ARHGAP20: variants seen among roughly 807,000 people sequenced by gnomAD.
ARHGAP20 encodes Rho GTPase activating protein 20, also known as rho GTPase-activating protein 20.
ARHGAP20 carries 34 observed loss-of-function variants against 73.7 expected under a neutral mutation model. The observed-to-expected ratio is 0.46, with a 90% CI of 0.35 to 0.61. The LOEUF is 0.61. ARHGAP20 is among the 20% of genes least tolerant of loss of function. The pLI is 0.00. For synonymous variants in ARHGAP20, 523 were observed against 518.2 expected (o/e 1.01, Z -0.13); for missense variants, 1,314 against 1,420.9 (o/e 0.92, Z 1.21).
chr11:110,685,494 T>TAA (rs34975209), intron 2 of ARHGAP20, among the ~76,000 whole-genome samples: 3,075 of 151,608 alleles, frequency 0.02, 105 homozygotes, highest in African/African-American at 0.068. Flanking sequence ...GGTGCCACAT[T>TAA]AAAAAAAATG....
chr11:110,595,809 G>C lies in ARHGAP20; in HGVS notation c.965-3654C>G, dbSNP rs1396802370. On this transcript the variant is annotated intron_variant, in intron 9 of 14. Transcript: ENST00000683387. ...AAAAAACTACTTTAAAGTTCATATGGAACCAAAAAAGAGCCCACATTGCCA... is the reference window on the plus strand; with the variant it reads ...AAAAAACTACTTTAAAGTTCATATGCAACCAAAAAAGAGCCCACATTGCCA... Among the ~76,000 whole-genome samples the C allele has an allele frequency of 4.0e-5, 6 of 151,882 alleles. No individual in the cohort carries two copies. In the East Asian group the frequency reaches 1.2e-3, roughly 29 times the overall value.
chr11:110,665,504 G>GA (rs560854721), intron 2 of ARHGAP20, among the ~76,000 whole-genome samples: 90 of 152,202 alleles, frequency 5.9e-4, no homozygotes, highest in African/African-American at 1.8e-3. Flanking sequence ...AAAAAATGAG[G>GA]TGAGGTCTAA....
chr11:110,585,347 C>CACTATCTG, intron 12 of ARHGAP20, among the ~76,000 whole-genome samples: 1 of 152,224 alleles, frequency 6.6e-6, no homozygotes, highest in East Asian at 1.9e-4. Context: ...ATTTGATGCT[C>CACTATCTG]ACTATCTGAA....
At chr11:110,709,648 C>T (rs2135161893) in intron 1 of ARHGAP20, among the ~76,000 whole-genome samples, 1 of 152,148 alleles carries the variant, frequency 6.6e-6, no homozygotes, top group East Asian at 1.9e-4. Flanking sequence ...ACCATCAAGG[C>T]CTCAAAATAA....
chr11:110,599,272 G>A (rs1046529049), intron 9 of ARHGAP20, among the ~76,000 whole-genome samples: 1 of 152,194 alleles, frequency 6.6e-6, no homozygotes, highest in African/African-American at 2.4e-5. Flanking sequence ...GCTTCTCCCT[G>A]CTGTCGGCAC....
chr11:110,587,579 G>A (rs1947703933), intron 11 of ARHGAP20, among the ~76,000 whole-genome samples: 2 of 152,168 alleles, frequency 1.3e-5, no homozygotes, highest in Non-Finnish European at 2.9e-5. Context: ...GGTAGGGACA[G>A]ACCCTTCTTT....
At chr11:110,587,507 CT>C (rs1426916796) in intron 11 of ARHGAP20, among the ~76,000 whole-genome samples, 1 of 152,176 alleles carries the variant, frequency 6.6e-6, no homozygotes, top group Non-Finnish European at 1.5e-5. Flanking sequence ...GCTGTGATAA[CT>C]TATTGTTACA....
chr11:110,656,516 C>T (rs563551099), intron 2 of ARHGAP20, among the ~76,000 whole-genome samples: 1 of 152,242 alleles, frequency 6.6e-6, no homozygotes, highest in East Asian at 1.9e-4. Flanking sequence ...GGGTATTTGC[C>T]TGAGTCCTCT....
intron 9 of ARHGAP20, among the ~76,000 whole-genome samples, chr11:110,605,763 G>A (rs542404821): frequency 4.5e-4 from 68 of 152,332 alleles, no homozygotes; most frequent in Middle Eastern, 3.4e-3. Context: ...ATCTCTCAAG[G>A]TCTACGCCAT....
At chr11:110,678,825 A>C (rs573015437) in intron 2 of ARHGAP20, among the ~76,000 whole-genome samples, 7 of 151,944 alleles carry the variant, frequency 4.6e-5, no homozygotes, top group Admixed American at 4.6e-4. Context: ...CCATGCCCAG[A>C]TAATTTTCAC....
intron 2 of ARHGAP20, among the ~76,000 whole-genome samples, chr11:110,685,917 C>T (rs562050536): frequency 6.8e-4 from 103 of 151,930 alleles, no homozygotes; most frequent in African/African-American, 2.3e-3. Flanking sequence ...GAGATAGAAA[C>T]GATTTTGGGG....
At position 110,712,354 on chromosome 11, in the gene ARHGAP20, C is replaced by G. The variant is rs1449463413; in HGVS notation, c.-123G>C. 3.9e-6 allele frequency: 3 copies of G among 771,328 alleles called. No individual in the cohort carries two copies. Among genetic ancestry groups the G allele is most frequent in the South Asian group, 6.4e-5 (1 of 15,686 alleles). The allele number at this position is 771,328 out of a possible 1,614,324, so 47.8% of individuals were successfully genotyped here. A position where few individuals can be genotyped will look rare whatever the true frequency, so the allele number is the denominator to read the frequency against. ...CGGCTGCCGTGCTCAGGCAGGGAGC[C>G]GAGCTCCGGGTGCTCGCCGCGCGCC... On this transcript the variant is annotated 5_prime_UTR_variant, in exon 1 of 15. Transcript: ENST00000683387.
At position 110,581,153 on chromosome 11, in the gene ARHGAP20, G is replaced by C; in HGVS notation, c.1793C>G (p.Ala598Gly). 3 of 1,614,176 alleles carry C rather than the reference G, an allele frequency of 1.9e-6. No individual in the cohort carries two copies. Among genetic ancestry groups the C allele is most frequent in the Non-Finnish European group, 2.5e-6 (3 of 1,180,014 alleles). The change falls in exon 15 of 15, where the codon GCA becomes GGA. Residue 598 changes from alanine to glycine, a missense_variant. This residue lies in a region of ARHGAP20 where 230 missense variants were observed against 317.6 expected (regional missense o/e 0.72). Coordinates refer to ENST00000683387, the MANE Select transcript of ARHGAP20 (RefSeq NM_001384657.1). ...LENELNEDVD[A>G]PCSDLVKKLG... ...TTTCTTTACCAAGTCACTGCATGGTGCATCAACATCCTCATTTAGCTCATT... is the reference window on the plus strand; with the variant it reads ...TTTCTTTACCAAGTCACTGCATGGTCCATCAACATCCTCATTTAGCTCATT...
intron 2 of ARHGAP20, among the ~76,000 whole-genome samples, chr11:110,653,130 T>G (rs111525787): frequency 2.5e-4 from 38 of 151,886 alleles, no homozygotes; most frequent in African/African-American, 8.7e-4. Flanking sequence ...TAGAAGAAAA[T>G]CTAGGCAATA....
intron 14 of ARHGAP20, 47 bp from the exon 15 acceptor site, chr11:110,581,272 TATACTC>T (rs1947461277): frequency 5.3e-6 from 8 of 1,520,714 alleles, no homozygotes; most frequent in African/African-American, 2.9e-5. Flanking sequence ...TTACCACAAA[TATACTC>T]ATGCTTCCTT....
intron 4 of ARHGAP20, among the ~76,000 whole-genome samples, chr11:110,619,782 A>C (rs549783213): frequency 1.3e-5 from 2 of 151,932 alleles, no homozygotes; most frequent in South Asian, 4.2e-4. Flanking sequence ...ATGTAGTGAT[A>C]GTGCATATGT....
chr11:110,711,133 G>T (rs973515824), intron 1 of ARHGAP20, among the ~76,000 whole-genome samples: 17 of 152,114 alleles, frequency 1.1e-4, no homozygotes, highest in Admixed American at 6.5e-5. Flanking sequence ...GGCAGAGGCC[G>T]GCAGCCCGCG....
chr11:110,655,057 G>T (rs1419376869), intron 2 of ARHGAP20, among the ~76,000 whole-genome samples: 1 of 152,132 alleles, frequency 6.6e-6, no homozygotes, highest in Non-Finnish European at 1.5e-5. Flanking sequence ...CTACATTTGA[G>T]CTACTCTAGA....
chr11:110,627,482 T>C (rs1034098506), intron 3 of ARHGAP20, among the ~76,000 whole-genome samples: 1 of 152,206 alleles, frequency 6.6e-6, no homozygotes, highest in African/African-American at 2.4e-5. Context: ...ATCTTCATAC[T>C]GGAAAAAATT....
Sources: allele counts gnomAD v4.1 joint callset (sites outside exome capture counted in the v4.1 genomes callset), GRCh38; gene constraint gnomAD v4.1.1; regional missense constraint gnomAD v4.1.1; transcripts MANE v1.5; gene names NCBI Gene and HGNC (gene_info 2026-07-23, HGNC 2026-07-21).